PLXNC1: variants seen among roughly 807,000 people sequenced by gnomAD.
PLXNC1 encodes the protein plexin-C1.
Under a neutral mutation model 178.2 loss-of-function variants are expected in PLXNC1, and 75 were observed. That is an observed-to-expected ratio of 0.42 (90% CI 0.35 to 0.51). The LOEUF is 0.51. PLXNC1 is among the 20% of genes least tolerant of loss of function. PLXNC1 has a pLI of 0.02. For synonymous variants in PLXNC1, 790 were observed against 779.9 expected (o/e 1.01, Z -0.22); for missense variants, 1,503 against 1,984.4 (o/e 0.76, Z 4.61).
chr12:94,210,295 T>C (rs1490274291), intron 5 of PLXNC1, among the ~76,000 whole-genome samples: 3 of 152,178 alleles, frequency 2.0e-5, no homozygotes, highest in Admixed American at 1.3e-4. Context: ...ATCAGTCCTG[T>C]CATTGGATGA....
At chr12:94,170,898 C>T (rs1961817183) in intron 2 of PLXNC1, among the ~76,000 whole-genome samples, 1 of 152,206 alleles carries the variant, frequency 6.6e-6, no homozygotes, top group African/African-American at 2.4e-5. Flanking sequence ...CACTGGGTGA[C>T]GTCTGTAGCT....
chr12:94,180,658 G>A (rs902392909), intron 2 of PLXNC1, among the ~76,000 whole-genome samples: 11 of 152,156 alleles, frequency 7.2e-5, no homozygotes, highest in Admixed American at 2.0e-4. Flanking sequence ...TCACACTTGC[G>A]TATATTTTAT....
chr12:94,152,327 A>G (rs1389956827), intron 1 of PLXNC1, among the ~76,000 whole-genome samples: 3 of 152,230 alleles, frequency 2.0e-5, no homozygotes, highest in African/African-American at 7.2e-5. Context: ...CCTATTAAAT[A>G]GGTAGAGAAG....
chr12:94,226,703 A>G lies in PLXNC1; in HGVS notation c.1889A>G (p.Asn630Ser), dbSNP rs1963949117. ...TGCGACCCTTCTGATTATGAGAGAAACCAGGTAAAGTGACATTTTTGGTAT... is the reference window on the plus strand; with the variant it reads ...TGCGACCCTTCTGATTATGAGAGAAGCCAGGTAAAGTGACATTTTTGGTAT... ...TACDPSDYER[N>S]QEQCPVAVEK... The change falls in exon 8 of 31, where the codon AAC becomes AGC. Residue 630 changes from asparagine to serine, a missense_variant. Around this residue, in one of 4 missense-constraint regions of PLXNC1, gnomAD observed 615 missense variants for 698.6 expected, o/e 0.88. Coordinates refer to ENST00000258526, the MANE Select transcript of PLXNC1 (RefSeq NM_005761.3). 1.2e-6 allele frequency: 2 copies of G among 1,608,394 alleles called. No individual in the cohort carries two copies. Among genetic ancestry groups the G allele is most frequent in the Middle Eastern group, 1.7e-4 (1 of 6,052 alleles).
At chr12:94,267,330 G>T (rs775332414) in intron 21 of PLXNC1, among the ~76,000 whole-genome samples, 1 of 152,160 alleles carries the variant, frequency 6.6e-6, no homozygotes, top group Non-Finnish European at 1.5e-5. Flanking sequence ...ACATCTGAAC[G>T]TGTTTTCTCC....
chr12:94,282,464 C>A, intron 23 of PLXNC1, 63 bp downstream of exon 23: 1 of 1,086,418 alleles, frequency 9.2e-7, no homozygotes, highest in Non-Finnish European at 1.4e-6. Context: ...CATGGACATT[C>A]TTTTAAAACA....
intron 9 of PLXNC1, among the ~76,000 whole-genome samples, chr12:94,234,025 C>T (rs940945675): frequency 3.9e-5 from 6 of 152,090 alleles, no homozygotes; most frequent in Non-Finnish European, 1.5e-5. Flanking sequence ...GGTTTTGAAT[C>T]CATGTGACTT....
At chr12:94,178,139 C>T (rs748581279) in intron 2 of PLXNC1, among the ~76,000 whole-genome samples, 18 of 152,164 alleles carry the variant, frequency 1.2e-4, no homozygotes, top group Non-Finnish European at 2.5e-4. Flanking sequence ...CAGTCTCCTC[C>T]CTTACTTTTA....
chr12:94,227,983 T>C (rs935113209), intron 9 of PLXNC1, among the ~76,000 whole-genome samples: 1 of 152,174 alleles, frequency 6.6e-6, no homozygotes, highest in Non-Finnish European at 1.5e-5. Context: ...CTAGCAGAAA[T>C]AGACAAATTA....
At position 94,240,545 on chromosome 12, in the gene PLXNC1, G is replaced by T; in HGVS notation, c.2181G>T (p.Arg727=). The T allele has an allele frequency of 6.2e-7, 1 of 1,614,052 alleles. No homozygotes were observed. The highest frequency in any genetic ancestry group is 8.5e-7 in the Non-Finnish European group (1 of 1,179,928). ...TGAAATTCTCTCTTCCATCAAGCCGGAAAGAAATGAAGGATGTGTGTATCC... is the reference window on the plus strand; with the variant it reads ...TGAAATTCTCTCTTCCATCAAGCCGTAAAGAAATGAAGGATGTGTGTATCC... ...THMKFSLPSS[R]KEMKDVCIQF... Residue 727 remains arginine, a synonymous_variant, in exon 11 of 31, where the codon CGG becomes CGT. Coordinates refer to ENST00000258526, the MANE Select transcript of PLXNC1 (RefSeq NM_005761.3).
At position 94,279,609 on chromosome 12, in the gene PLXNC1, T is replaced by C; in HGVS notation, c.3735T>C (p.Asn1245=). 1 of 1,614,230 alleles carries C rather than the reference T, an allele frequency of 6.2e-7. No individual in the cohort carries two copies. The highest frequency in any genetic ancestry group is 8.5e-7 in the Non-Finnish European group (1 of 1,180,026). The change falls in exon 22 of 31, where the codon AAT becomes AAC. Residue 1245 remains asparagine, a synonymous_variant. Transcript: ENST00000258526. Reference sequence around the variant, plus strand: ...TTTTCCAAGCATTCTTAAGCAAAAATGGCTCTCCTTATGGACTTCAGCTTA... The same window carrying C: ...TTTTCCAAGCATTCTTAAGCAAAAACGGCTCTCCTTATGGACTTCAGCTTA... ...EKIFQAFLSK[N]GSPYGLQLNE...
intron 23 of PLXNC1, among the ~76,000 whole-genome samples, chr12:94,291,964 A>G (rs940250871): frequency 6.6e-6 from 1 of 152,190 alleles, no homozygotes; most frequent in Non-Finnish European, 1.5e-5. Flanking sequence ...TAGACACTTC[A>G]TATCAATAGG....
chr12:94,270,820 T>G (rs1411830851), intron 21 of PLXNC1, among the ~76,000 whole-genome samples: 2 of 151,942 alleles, frequency 1.3e-5, no homozygotes, highest in African/African-American at 4.8e-5. Flanking sequence ...CACCCCTTAC[T>G]CTTCTGTTAG....
intron 4 of PLXNC1, among the ~76,000 whole-genome samples, chr12:94,206,599 A>C (rs945088983): frequency 1.3e-5 from 2 of 152,130 alleles, no homozygotes; most frequent in African/African-American, 2.4e-5. Context: ...TGAAAGTATT[A>C]GCTCTAAGTG....
chr12:94,284,541 A>C (rs1442238948), intron 23 of PLXNC1, among the ~76,000 whole-genome samples: 2 of 152,252 alleles, frequency 1.3e-5, no homozygotes, highest in East Asian at 3.9e-4. Context: ...TCACTGTTAT[A>C]GTTTTGCAAT....
intron 21 of PLXNC1, among the ~76,000 whole-genome samples, chr12:94,275,915 A>C (rs978753234): frequency 1.2e-4 from 18 of 151,622 alleles, no homozygotes; most frequent in African/African-American, 4.4e-4. Flanking sequence ...TGTTAGCAGC[A>C]TGAAAAATGA....
At chr12:94,254,327 C>G (rs11107483) in intron 15 of PLXNC1, among the ~76,000 whole-genome samples, 24,086 of 152,228 alleles carry the variant, frequency 0.16, 2,326 homozygotes, top group Admixed American at 0.23. Flanking sequence ...GCAGGTTTGG[C>G]CCATGTAGCC....
chr12:94,252,844 T>C (rs996036392), intron 15 of PLXNC1, among the ~76,000 whole-genome samples: 4 of 152,228 alleles, frequency 2.6e-5, no homozygotes, highest in African/African-American at 9.7e-5. Flanking sequence ...TTTGTGACTC[T>C]GGTTCTGAGC....
At chr12:94,241,280 T>C (rs1964382143) in intron 11 of PLXNC1, among the ~76,000 whole-genome samples, 1 of 152,226 alleles carries the variant, frequency 6.6e-6, no homozygotes, top group Non-Finnish European at 1.5e-5. Flanking sequence ...TCTATGATCA[T>C]ACAGTGAATA....
Sources: allele counts gnomAD v4.1 joint callset (sites outside exome capture counted in the v4.1 genomes callset), GRCh38; gene constraint gnomAD v4.1.1; regional missense constraint gnomAD v4.1.1; transcripts MANE v1.5; gene names NCBI Gene and HGNC (gene_info 2026-07-23, HGNC 2026-07-21).